The following PROSER2 variants were observed in gnomAD, a reference collection of about 807,000 sequenced individuals.
PROSER2 encodes proline and serine rich 2, also known as proline and serine-rich protein 2.
In PROSER2, 18 loss-of-function variants were observed where a neutral mutation model predicts 14.6. The observed-to-expected ratio is 1.23, with a 90% CI of 0.85 to 1.83. PROSER2 has a LOEUF of 1.83. PROSER2 is among the 40% of genes most tolerant of loss of function. PROSER2 has a pLI of 0.00. For missense variants in PROSER2, 823 were observed against 629.8 expected, an observed-to-expected ratio of 1.31 and a Z score of -3.28; for synonymous variants, 367 against 286.4, an observed-to-expected ratio of 1.28 and a Z score of -2.84.
At chr10:11,827,194 CA>C (rs149113428) in intron 1 of PROSER2, among the ~76,000 whole-genome samples, 1,167 of 98,260 alleles carry the variant, frequency 0.012, 7 homozygotes, top group Middle Eastern at 0.018. Flanking sequence ...CCTTCCTTTA[CA>C]AAAAAAAAAA....
chr10:11,858,734 G>A (rs528661079), intron 2 of PROSER2, among the ~76,000 whole-genome samples: 2 of 152,100 alleles, frequency 1.3e-5, no homozygotes, highest in South Asian at 2.1e-4. Context: ...GGATGGGCCC[G>A]GCACAGTAGC....
In PROSER2 at chr10:11,870,150, C is replaced by G. The variant is rs756510918; in HGVS notation, c.1052C>G (p.Ala351Gly). Residue 351 changes from alanine to glycine, a missense_variant, in exon 4 of 4, where the codon GCC becomes GGC. Physicochemically the swap from Ala to Gly is moderately conservative, Grantham distance 60. Coordinates refer to ENST00000277570, the MANE Select transcript of PROSER2 (RefSeq NM_153256.4). ...AACGGCTTCCCAAGTGCGCACGAGG[C>G]CCTGAAGAGCGCACCCAGCTCCTTC... ...LANGFPSAHE[A>G]LKSAPSSFAP... 3 of 1,451,316 alleles carry G rather than the reference C, an allele frequency of 2.1e-6. No individual in the cohort carries two copies. Among genetic ancestry groups the G allele is most frequent in the African/African-American group, 3.0e-5 (2 of 67,078 alleles). 89.9% of individuals were successfully genotyped at this position (1,451,316 alleles called of 1,614,324 possible).
In PROSER2 at chr10:11,830,600, A is replaced by G. The variant is rs1232037099; in HGVS notation, c.-82+7130A>G. 2.0e-5 allele frequency among the ~76,000 whole-genome samples: 3 copies of G among 152,152 alleles called. No individual in the cohort carries two copies. The highest frequency in any genetic ancestry group is 6.5e-5 in the Admixed American group (1 of 15,284). On this transcript the variant is annotated intron_variant, in intron 1 of 3. Coordinates refer to ENST00000277570, the MANE Select transcript of PROSER2 (RefSeq NM_153256.4). The surrounding 1 kb of genome is among the most constrained non-coding windows in gnomAD (Gnocchi z 4.5). ...TAGGTTTAGTCCCTGAGAAATCTCT[A>G]TTCTGTTTTCCATAGTCGACTCTAC...
At chr10:11,844,293 T>G (rs1400202940) in intron 1 of PROSER2, among the ~76,000 whole-genome samples, 1 of 152,152 alleles carries the variant, frequency 6.6e-6, no homozygotes, top group African/African-American at 2.4e-5. Flanking sequence ...ACCCAGCCAC[T>G]TTGAATATTT....
intron 1 of PROSER2, among the ~76,000 whole-genome samples, chr10:11,835,815 G>T (rs555983248): frequency 6.6e-6 from 1 of 152,242 alleles, no homozygotes; most frequent in Admixed American, 6.5e-5. Context: ...ACTAGCATTA[G>T]GGCCAACAAT....
At chr10:11,849,204 A>C (rs557281589) in intron 1 of PROSER2, among the ~76,000 whole-genome samples, 1 of 152,156 alleles carries the variant, frequency 6.6e-6, no homozygotes. Flanking sequence ...AAACAAAAAA[A>C]CAAAGAGTTT....
At chr10:11,850,121 T>C (rs1833991169) in intron 1 of PROSER2, 1 of 152,236 alleles carries the variant, frequency 6.6e-6, no homozygotes, top group African/African-American at 2.4e-5. Context: ...GCTAAAATGG[T>C]CCTGAACTTG....
In PROSER2 at chr10:11,852,057, G is replaced by T. The variant is rs370615818; in HGVS notation, c.-21G>T. The T allele has an allele frequency of 6.3e-7, 1 of 1,586,576 alleles. No homozygotes were observed. Among genetic ancestry groups the T allele is most frequent in the African/African-American group, 1.4e-5 (1 of 74,020 alleles). On this transcript the variant is annotated 5_prime_UTR_variant, in exon 2 of 4. Transcript: ENST00000277570. ...CTGCCCTGCTTCCTGTGATCGAGCC[G>T]GCCCTGAGGACTCTGTGGAGATGCC... is the stretch of plus-strand genomic sequence containing the variant.
In PROSER2 at chr10:11,865,794, C is replaced by T. The variant is rs375640372; in HGVS notation, c.139-737C>T. On this transcript the variant is annotated intron_variant, in intron 2 of 3. Transcript: ENST00000277570. The surrounding 1 kb of genome is among the most constrained non-coding windows in gnomAD (Gnocchi z 4.2). ...TGTCACCTTTTTCGAGAGTAACTGG[C>T]GAGTTTTGTGCCGGGATGAGCTCAT... 2.0e-4 allele frequency among the ~76,000 whole-genome samples: 30 copies of T among 152,298 alleles called. No individual in the cohort carries two copies. The East Asian group carries it at 3.3e-3, about 17-fold the overall frequency.
Position 11,866,399 on chromosome 10 carries a change from G to A in PROSER2, c.139-132G>A. On this transcript the variant is annotated intron_variant, in intron 2 of 3. Transcript: ENST00000277570. This position sits in a 1 kb window ranked among gnomAD's most constrained non-coding sequence, Gnocchi z 6.0. ...GGAGAGGCACACGCAGGCACTGTGTGGCAGGGTACTCTCGGGACACAGTGA... is the reference window on the plus strand; with the variant it reads ...GGAGAGGCACACGCAGGCACTGTGTAGCAGGGTACTCTCGGGACACAGTGA... 9.6e-7 allele frequency: 1 copy of A among 1,042,518 alleles called. No homozygotes were observed. Among genetic ancestry groups the A allele is most frequent in the Non-Finnish European group, 1.4e-6 (1 of 704,382 alleles). 64.6% of individuals were successfully genotyped at this position (1,042,518 alleles called of 1,614,324 possible).
chr10:11,857,444 G>T (rs1213861195), intron 2 of PROSER2: 1 of 152,076 alleles, frequency 6.6e-6, no homozygotes, highest in African/African-American at 2.4e-5. Context: ...TATCTAGCTA[G>T]AAGTAACCAT....
rs1206388678 is a variant in PROSER2, at chr10:11,836,223, G to A, written c.-82+12753G>A. Among the ~76,000 whole-genome samples the A allele has an allele frequency of 1.3e-5, 2 of 152,024 alleles. No individual in the cohort carries two copies. Among genetic ancestry groups the A allele is most frequent in the Non-Finnish European group, 1.5e-5 (1 of 68,008 alleles). On this transcript the variant is annotated intron_variant, in intron 1 of 3. Coordinates refer to ENST00000277570, the MANE Select transcript of PROSER2 (RefSeq NM_153256.4). This position sits in a 1 kb window ranked among gnomAD's most constrained non-coding sequence, Gnocchi z 4.6. ...ATTTTTTTTATTTTTTTGAGACAGAGTCTCACTCTGTTGGCCAGGCTGGTG... is the reference window on the plus strand; with the variant it reads ...ATTTTTTTTATTTTTTTGAGACAGAATCTCACTCTGTTGGCCAGGCTGGTG...
chr10:11,831,325 C>T (rs554673007), intron 1 of PROSER2, among the ~76,000 whole-genome samples: 2 of 152,260 alleles, frequency 1.3e-5, no homozygotes, highest in South Asian at 2.1e-4. Context: ...TAGTGAAGCA[C>T]ATATTGGGTG....
In PROSER2 at chr10:11,837,067, C is replaced by T. The variant is rs1027310146; in HGVS notation, c.-82+13597C>T. ...GTTCTCAGATCAGCTGTCTATGTGG[C>T]CGTGCTTATGTTCAAGTCACTTTTA... On this transcript the variant is annotated intron_variant, in intron 1 of 3. Coordinates refer to ENST00000277570, the MANE Select transcript of PROSER2 (RefSeq NM_153256.4). This position sits in a 1 kb window ranked among gnomAD's most constrained non-coding sequence, Gnocchi z 4.6. 5.3e-5 allele frequency among the ~76,000 whole-genome samples: 8 copies of T among 152,286 alleles called. No homozygotes were observed. The South Asian group carries it at 6.2e-4, about 12-fold the overall frequency.
chr10:11,853,109 T>G (rs1462045633), intron 2 of PROSER2, among the ~76,000 whole-genome samples: 1 of 152,142 alleles, frequency 6.6e-6, no homozygotes, highest in African/African-American at 2.4e-5. Context: ...TGGGGGCACC[T>G]CTCAGGTCCT....
At chr10:11,854,487 T>G (rs2131074602) in intron 2 of PROSER2, among the ~76,000 whole-genome samples, 1 of 152,288 alleles carries the variant, frequency 6.6e-6, no homozygotes, top group East Asian at 1.9e-4. Flanking sequence ...TTGTTAAATT[T>G]TTTTGTAGAG....
intron 1 of PROSER2, among the ~76,000 whole-genome samples, chr10:11,847,443 A>C (rs1833940102): frequency 6.6e-6 from 1 of 152,008 alleles, no homozygotes; most frequent in African/African-American, 2.4e-5. Context: ...TTTGAGACGG[A>C]GTCTCGCTCT....
intron 1 of PROSER2, among the ~76,000 whole-genome samples, chr10:11,840,338 C>T (rs1047910174): frequency 1.3e-5 from 2 of 151,184 alleles, no homozygotes; most frequent in Non-Finnish European, 2.9e-5. Flanking sequence ...GTTTTAAAAA[C>T]ATTTCTGCAT....
rs535662908 is a variant in PROSER2, at chr10:11,838,120, C to T, written c.-81-13877C>T. On this transcript the variant is annotated intron_variant, in intron 1 of 3. Coordinates refer to ENST00000277570, the MANE Select transcript of PROSER2 (RefSeq NM_153256.4). This position sits in a 1 kb window ranked among gnomAD's most constrained non-coding sequence, Gnocchi z 4.4. ...CTTTCCTTTCTGTGTTGGTAGCAGC[C>T]AGACTCAGGTGCCCTCCGGTGAGTG... Among the ~76,000 whole-genome samples, 2 of 152,196 alleles carry T rather than the reference C, an allele frequency of 1.3e-5. No homozygotes were observed. Among genetic ancestry groups the T allele is most frequent in the South Asian group, 4.2e-4 (2 of 4,812 alleles).
Sources: gnomAD v4.1 joint callset for allele counts (sites outside exome capture counted in the v4.1 genomes callset) on GRCh38, gnomAD v4.1.1 for gene constraint, Gnocchi (gnomAD v3.1) non-coding constraint, MANE v1.5 for transcripts, NCBI Gene and HGNC (gene_info 2026-07-23, HGNC 2026-07-21) for gene names.